Variants in TTN observed in about 807,000 individuals in gnomAD.
The protein encoded by TTN is connectin.
Under a neutral mutation model 3,223.0 loss-of-function variants are expected in TTN, and 1,525 were observed. The ratio of observed to expected loss-of-function variants is 0.47; its 90% CI spans 0.45 to 0.49. TTN has a LOEUF of 0.49. Ranked by LOEUF, TTN falls within the 20% of genes least tolerant of loss-of-function variation. The pLI, the probability that TTN is intolerant of heterozygous loss-of-function variation, is 0.00. For missense variants in TTN, 40,786 were observed against 43,424.0 expected (o/e 0.94, Z 5.40); for synonymous variants, 14,094 against 15,161.0 (o/e 0.93, Z 5.17).
rs759931516 is a variant in TTN, at chr2:178,704,756, T to C, written c.29716A>G (p.Ile9906Val). Residue 9906 changes from isoleucine (I) to valine (V), a missense_variant, in exon 105 of 363, where the codon ATT becomes GTT. Ile to Val is a conservative substitution (Grantham distance 29). Coordinates refer to ENST00000589042, the MANE Select transcript of TTN (RefSeq NM_001267550.2). ...TCTTTCAAAACTGTCTGATTTTCAA[T>C]GTCCTTGATCAGAGTGACAGGCTAG... ...QTEPVTLIKD[I>V]ENQTVLKDND... The C allele has an allele frequency of 6.2e-7, 1 of 1,610,514 alleles. No homozygotes were observed. Among genetic ancestry groups the C allele is most frequent in the Non-Finnish European group, 8.5e-7 (1 of 1,179,452 alleles).
At chr2:178,760,200 A>G (rs1361466858) in intron 43 of TTN, among the ~76,000 whole-genome samples, 1 of 151,910 alleles carries the variant, frequency 6.6e-6, no homozygotes, top group Non-Finnish European at 1.5e-5. Flanking sequence ...TTAGAGTAAC[A>G]AATCTGTTCA....
In TTN at chr2:178,543,650, G is replaced by A; in HGVS notation, c.96323C>T (p.Pro32108Leu). ...TTCCTTAACTTTCACTGAAGGACAG[G>A]GACCAGGAGTATCTGAAAAACAGAA... ...VLVKVYDTPG[P>L]CPSVKVKEVS... The change falls in exon 347 of 363, where the codon CCC becomes CTC. Residue 32108 changes from proline (P) to leucine (L), a missense_variant. By Grantham distance (98) the Pro-to-Leu change is moderately conservative (BLOSUM62 -3). Coordinates refer to ENST00000589042, the MANE Select transcript of TTN (RefSeq NM_001267550.2). The A allele has an allele frequency of 1.3e-6, 2 of 1,583,706 alleles. No homozygotes were observed. The highest frequency in any genetic ancestry group is 1.7e-6 in the Non-Finnish European group (2 of 1,169,320).
rs756145374 is a variant in TTN at position 178,667,673 on chromosome 2, G to A, written c.35594C>T (p.Thr11865Ile). ...EAVLEEKVLV[T>I]QPQKTKPKLA... ...TTTGGGTTTTGTCTTTTGAGGTTGAGTCACAAGTACTTTTTCTTCTAGGAC... is the reference window on the plus strand; with the variant it reads ...TTTGGGTTTTGTCTTTTGAGGTTGAATCACAAGTACTTTTTCTTCTAGGAC... Residue 11865 changes from threonine to isoleucine, a missense_variant, in exon 160 of 363, where the codon ACT (threonine) becomes ATT (isoleucine). Coordinates refer to ENST00000589042, the MANE Select transcript of TTN (RefSeq NM_001267550.2). The A allele has an allele frequency of 4.3e-5, 69 of 1,597,330 alleles. No individual in the cohort carries two copies. Among genetic ancestry groups the A allele is most frequent in the Non-Finnish European group, 5.0e-5 (59 of 1,179,210 alleles).
intron 219 of TTN, 144 bp from the exon 220 acceptor site, chr2:178,641,459 C>T (rs908718853): frequency 1.5e-5 from 7 of 480,366 alleles, no homozygotes; most frequent in African/African-American, 6.2e-5. Flanking sequence ...GCATTTACAC[C>T]GAAAGTGTTT....
Position 178,665,657 on chromosome 2 carries a change from C to A in TTN, c.35959+51G>T, listed in dbSNP as rs569399514. ...TTCTCCAGTTCCCTAGCACCCTGTA[C>A]ATGCTAAGCACTCTAATAAATGAAG... On this transcript the variant is annotated intron_variant, in intron 164 of 362. Coordinates refer to ENST00000589042, the MANE Select transcript of TTN (RefSeq NM_001267550.2). The A allele has an allele frequency of 2.7e-5, 35 of 1,280,108 alleles. No homozygotes were observed. The African/African-American group carries it at 4.8e-4, about 18-fold the overall frequency. 79.3% of individuals were successfully genotyped at this position (1,280,108 alleles called of 1,614,324 possible). A position where few individuals can be genotyped will look rare whatever the true frequency, so the allele number is the denominator to read the frequency against.
intron 257 of TTN, among the ~76,000 whole-genome samples, chr2:178,616,178 TC>T (rs2057299730): frequency 6.6e-6 from 1 of 151,890 alleles, no homozygotes; most frequent in Admixed American, 6.6e-5. Context: ...ATATTTACTT[TC>T]CACTTCTAGC....
Position 178,631,072 on chromosome 2 carries a change from C to A in TTN, c.43976G>T (p.Cys14659Phe). 6.2e-7 allele frequency: 1 copy of A among 1,613,314 alleles called. No individual in the cohort carries two copies. Among genetic ancestry groups the A allele is most frequent in the African/African-American group, 1.3e-5 (1 of 75,030 alleles). ...KSDIGQYTCD[C>F]GTDKTSGKLD... ...TTTTCCTGAGGTCTTATCTGTCCCA[C>A]AGTCACAGGTGTACTGTCCAATATC... Residue 14659 changes from cysteine (C) to phenylalanine (F), a missense_variant, in exon 237 of 363, where the codon TGT becomes TTT. By Grantham distance (205) the Cys-to-Phe change is radical. Coordinates refer to ENST00000589042, the MANE Select transcript of TTN (RefSeq NM_001267550.2).
At position 178,637,146 on chromosome 2, in the gene TTN, GATATATATATATATATAT is replaced by G. The variant is rs61216469; in HGVS notation, c.40927+205_40927+222del. 8.0e-3 allele frequency among the ~76,000 whole-genome samples: 393 copies of G among 49,198 alleles called. 16 individuals carry two copies. The highest frequency in any genetic ancestry group is 0.073 in the South Asian group (74 of 1,020). The allele number at this position is 49,198 out of a possible 152,430, so 32.3% of individuals were successfully genotyped here. On this transcript the variant is annotated intron_variant, in intron 224 of 362. Transcript: ENST00000589042. ...GATTCACTATGCTAAAATATAGTTG[GATATATATATATATATAT>G]ATATATATATATATATATATATATA...
chr2:178,568,387 T>C lies in TTN; in HGVS notation c.77745A>G (p.Pro25915=), dbSNP rs769521474. 3.7e-6 allele frequency: 6 copies of C among 1,613,244 alleles called. No individual in the cohort carries two copies. Among genetic ancestry groups the C allele is most frequent in the African/African-American group, 1.3e-5 (1 of 75,020 alleles). Reference sequence around the variant, plus strand: ...TGATTTGGCAGCCCCCTGTATATAATGGAGGGTTCCAAGATAATGTAATAC... The same window carrying C: ...TGATTTGGCAGCCCCCTGTATATAACGGAGGGTTCCAAGATAATGTAATAC... ...AESITLSWNP[P]LYTGGCQITN... is the part of the protein sequence containing the mutation. Residue 25915 remains proline, a synonymous_variant, in exon 326 of 363, where the codon CCA becomes CCG. Transcript: ENST00000589042.
rs762113080 is a variant in TTN, at chr2:178,714,059, C to T, written c.26599G>A (p.Gly8867Arg). The T allele has an allele frequency of 5.4e-5, 87 of 1,613,460 alleles. No homozygotes were observed. The highest frequency in any genetic ancestry group is 7.4e-5 in the Non-Finnish European group (87 of 1,179,706). ...TTGTTGTCACTTGTTAGCTCTTTTC[C>T]ATCCTTAAACCACTTAGTACTGAGT... ...PELSTKWFKD[G>R]KELTSDNKYK... The change falls in exon 92 of 363, where the codon GGA becomes AGA. Residue 8867 changes from glycine (G) to arginine (R), a missense_variant. Gly to Arg is a moderately radical substitution (Grantham distance 125, BLOSUM62 -2). Transcript: ENST00000589042.
At chr2:178,742,488 T>C (rs2082667327) in intron 47 of TTN, among the ~76,000 whole-genome samples, 1 of 152,198 alleles carries the variant, frequency 6.6e-6, no homozygotes, top group African/African-American at 2.4e-5. Flanking sequence ...ATGCAGGCCT[T>C]CTTTCATCTA....
chr2:178,782,375 G>T lies in TTN; in HGVS notation c.3217C>A (p.Gln1073Lys). The T allele has an allele frequency of 1.9e-6, 3 of 1,614,060 alleles. No homozygotes were observed. In the African/African-American group the frequency reaches 4.0e-5, roughly 22 times the overall value. ...VMTDTSLTEE[Q>K]AGPGEPAAPY... Reference sequence around the variant, plus strand: ...GCGGCAGGTTCTCCAGGCCCTGCTTGTTCCTCTGTGAGGCTAGTATCAGTC... The same window carrying T: ...GCGGCAGGTTCTCCAGGCCCTGCTTTTTCCTCTGTGAGGCTAGTATCAGTC... The change falls in exon 20 of 363, where the codon CAA becomes AAA. Residue 1073 changes from glutamine (Q) to lysine (K), a missense_variant. Transcript: ENST00000589042.
chr2:178,540,331 G>C lies in TTN; in HGVS notation c.97835C>G (p.Thr32612Arg). The C allele has an allele frequency of 6.2e-7, 1 of 1,613,654 alleles. No homozygotes were observed. The highest frequency in any genetic ancestry group is 1.3e-5 in the African/African-American group (1 of 75,030). The change falls in exon 351 of 363, where the codon ACA becomes AGA. Residue 32612 changes from threonine (T) to arginine (R), a missense_variant. Transcript: ENST00000589042. Reference sequence around the variant, plus strand: ...GGCCAGGGAGACTGATGTCCTTGTTGTATCAGTAACTCTTGGGTTTTGTGG... The same window carrying C: ...GGCCAGGGAGACTGATGTCCTTGTTCTATCAGTAACTCTTGGGTTTTGTGG... ...GKPQNPRVTD[T>R]TRTSVSLAWS...
chr2:178,746,960 T>G (rs751794801), intron 47 of TTN: 6 of 1,613,544 alleles, frequency 3.7e-6, no homozygotes, highest in Non-Finnish European at 5.1e-6. Flanking sequence ...TGTGTAGAAA[T>G]GCTCATTTGG....
chr2:178,600,854 A>G lies in TTN; in HGVS notation c.56050T>C (p.Cys18684Arg), dbSNP rs761599633. The change falls in exon 288 of 363, where the codon TGC (cysteine) becomes CGC (arginine). Residue 18684 changes from cysteine to arginine, a missense_variant and splice_region_variant. Cys to Arg is a radical substitution (Grantham distance 180). Coordinates refer to ENST00000589042, the MANE Select transcript of TTN (RefSeq NM_001267550.2). ...TCTTTGTCAGTACATTGGTACTTAC[A>G]TGTCTGGTCTTTGACAGTCACAGGG... is the stretch of plus-strand genomic sequence containing the variant. ...VGPVTVKDQTCPPSIDLKEFM... is the reference protein window; with the variant it reads ...VGPVTVKDQTRPPSIDLKEFM... 4.3e-6 allele frequency: 7 copies of G among 1,612,798 alleles called. No homozygotes were observed. The highest frequency in any genetic ancestry group is 1.7e-5 in the Admixed American group (1 of 59,946).
chr2:178,592,217 A>G lies in TTN; in HGVS notation c.59687T>C (p.Leu19896Pro). ...ATCATCCAGTGGTTCTTTCCAAGTA[A>G]GGTAACATGAATCTTTCCTAATTTC... The part of the protein sequence containing the change: ...VSEIRKDSCY[L>P]TWKEPLDDGG... Residue 19896 changes from leucine (L) to proline (P), a missense_variant, in exon 302 of 363, where the codon CTT becomes CCT. By Grantham distance (98) the Leu-to-Pro change is moderately conservative. Coordinates refer to ENST00000589042, the MANE Select transcript of TTN (RefSeq NM_001267550.2). 5 of 1,611,850 alleles carry G rather than the reference A, an allele frequency of 3.1e-6. No individual in the cohort carries two copies. The highest frequency in any genetic ancestry group is 4.2e-6 in the Non-Finnish European group (5 of 1,178,940).
intron 243 of TTN, 82 bp downstream of exon 243, chr2:178,622,587 CT>C (rs200732906): frequency 2.4e-3 from 2,558 of 1,063,408 alleles, no homozygotes; most frequent in South Asian, 2.7e-3. Flanking sequence ...TTGTGACTAA[CT>C]TTTTTTTTTC....
chr2:178,545,749 G>C, intron 343 of TTN, 56 bp from the exon 344 acceptor site: 1 of 1,597,448 alleles, frequency 6.3e-7, no homozygotes, highest in Non-Finnish European at 8.6e-7. Context: ...TGATAAGACT[G>C]CCCTTCTCCC....
At position 178,599,010 on chromosome 2, in the gene TTN, G is replaced by A; in HGVS notation, c.56700C>T (p.Ser18900=). The change falls in exon 291 of 363, where the codon TCC becomes TCT. Residue 18900 remains serine, a synonymous_variant. Transcript: ENST00000589042. ...KPTVSSVTRN[S]MTVNWEEPEY... is the part of the protein sequence containing the mutation. ...CTGGCTCTTCCCAGTTGACAGTCAT[G>A]GAGTTACGAGTCACGCTGCTAACTG... 6.2e-7 allele frequency: 1 copy of A among 1,602,854 alleles called. No homozygotes were observed. The highest frequency in any genetic ancestry group is 2.3e-5 in the East Asian group (1 of 44,350).
Sources: gnomAD v4.1 joint callset for allele counts (sites outside exome capture counted in the v4.1 genomes callset) on GRCh38, gnomAD v4.1.1 for gene constraint, MANE v1.5 for transcripts, NCBI Gene and HGNC (gene_info 2026-07-23, HGNC 2026-07-21) for gene names.